SCN11A: variants seen among roughly 807,000 people sequenced by gnomAD.
SCN11A encodes the protein sodium voltage-gated channel alpha subunit 11, also known as sodium channel protein type 11 subunit alpha.
In SCN11A, 122 loss-of-function variants were observed where a neutral mutation model predicts 162.2. That is an observed-to-expected ratio of 0.75 (90% CI 0.65 to 0.87). The LOEUF is 0.87. SCN11A is among the 40% of genes least tolerant of loss of function. SCN11A has a pLI of 0.00. For synonymous variants in SCN11A, 758 were observed against 751.5 expected (o/e 1.01, Z -0.14); for missense variants, 2,015 against 2,181.6 (o/e 0.92, Z 1.52).
intron 2 of SCN11A, among the ~76,000 whole-genome samples, chr3:38,988,140 A>G (rs9833327): frequency 0.47 from 71,462 of 151,898 alleles, 20,855 homozygotes; most frequent in African/African-American, 0.83. Flanking sequence ...GCAGGGCCCC[A>G]TGTGACTGCA....
At chr3:38,923,781 G>A (rs190085110) in intron 9 of SCN11A, among the ~76,000 whole-genome samples, 35 of 152,194 alleles carry the variant, frequency 2.3e-4, no homozygotes, top group East Asian at 2.1e-3. Context: ...TTGGGAGGAC[G>A]CCTGTGAAAG....
chr3:38,875,766 G>C (rs2065197196), intron 23 of SCN11A, among the ~76,000 whole-genome samples: 2 of 152,210 alleles, frequency 1.3e-5, no homozygotes, highest in Middle Eastern at 3.4e-3. Context: ...AATCAACATT[G>C]TGAAAATGAC....
At chr3:39,026,388 G>A (rs1032438850) in intron 2 of SCN11A, among the ~76,000 whole-genome samples, 4 of 152,142 alleles carry the variant, frequency 2.6e-5, no homozygotes, top group African/African-American at 4.8e-5. Context: ...TGCTCACCAC[G>A]AATTATCTGA....
intron 2 of SCN11A, among the ~76,000 whole-genome samples, chr3:38,974,694 C>CAAAAAAAAAAAA (rs773028321): frequency 2.1e-5 from 1 of 48,146 alleles, no homozygotes; most frequent in African/African-American, 6.3e-5. Context: ...GACTCCGTCT[C>CAAAAAAAAAAAA]AAAAAAAAAA....
At chr3:38,897,968 G>A (rs559022919) in intron 17 of SCN11A, among the ~76,000 whole-genome samples, 2 of 152,228 alleles carry the variant, frequency 1.3e-5, no homozygotes, top group East Asian at 3.9e-4. Flanking sequence ...AGGCACAGTG[G>A]CTCTCATCTG....
rs367689714 is a variant in SCN11A, at chr3:38,886,193, C to A, written c.2881G>T (p.Val961Phe). 1.6e-5 allele frequency: 26 copies of A among 1,612,930 alleles called. No homozygotes were observed. Among genetic ancestry groups the A allele is most frequent in the Non-Finnish European group, 2.2e-5 (26 of 1,179,864 alleles). ...QENKKPTSQR[V>F]QSVEIDMFSE... ...AACATGTCAATTTCCACACTTTGAA[C>A]TCTCTGGCTCGTGGGCTTCTTGTTC... Residue 961 changes from valine to phenylalanine, a missense_variant, in exon 20 of 30, where the codon GTT (valine) becomes TTT (phenylalanine). By Grantham distance (50) the Val-to-Phe change is conservative. Transcript: ENST00000302328.
chr3:38,852,296 A>C (rs2064795403), intron 28 of SCN11A, among the ~76,000 whole-genome samples: 1 of 152,182 alleles, frequency 6.6e-6, no homozygotes, highest in South Asian at 2.1e-4. Flanking sequence ...CTAGAAAGTC[A>C]AGTGCCTTTC....
chr3:38,947,625 C>T (rs1291937603), intron 5 of SCN11A, among the ~76,000 whole-genome samples: 1 of 152,214 alleles, frequency 6.6e-6, no homozygotes, highest in Non-Finnish European at 1.5e-5. Flanking sequence ...GCCCGCCCCC[C>T]CACAAAGTGC....
intron 26 of SCN11A, 62 bp from the exon 27 acceptor site, chr3:38,867,520 A>G: frequency 7.6e-7 from 1 of 1,320,498 alleles, no homozygotes; most frequent in Non-Finnish European, 1.1e-6. Context: ...TAAGCATTCT[A>G]ACTACCTTAT....
chr3:38,972,815 A>G (rs2066824471), intron 2 of SCN11A, among the ~76,000 whole-genome samples: 1 of 152,228 alleles, frequency 6.6e-6, no homozygotes, highest in African/African-American at 2.4e-5. Context: ...CTAACACTTA[A>G]TTTAACACAA....
intron 2 of SCN11A, among the ~76,000 whole-genome samples, chr3:38,983,056 A>G (rs1391956445): frequency 1.3e-5 from 2 of 152,184 alleles, no homozygotes; most frequent in Non-Finnish European, 2.9e-5. Flanking sequence ...TGAGTCCAAA[A>G]TGTCAGCAAG....
At chr3:38,985,365 C>CAG (rs2030202345) in intron 2 of SCN11A, among the ~76,000 whole-genome samples, 1 of 150,200 alleles carries the variant, frequency 6.7e-6, no homozygotes, top group African/African-American at 2.5e-5. Flanking sequence ...CTCCTGACCT[C>CAG]GTGATCCACC....
intron 2 of SCN11A, among the ~76,000 whole-genome samples, chr3:38,986,422 T>C (rs778362530): frequency 6.6e-5 from 10 of 152,196 alleles, no homozygotes; most frequent in Non-Finnish European, 1.2e-4. Flanking sequence ...GTGTTCCCCA[T>C]TGAAGTGTGA....
At chr3:38,869,890 C>T (rs559942352) in intron 26 of SCN11A, among the ~76,000 whole-genome samples, 36 of 152,258 alleles carry the variant, frequency 2.4e-4, no homozygotes, top group African/African-American at 8.4e-4. Flanking sequence ...ATCCGAAACA[C>T]TTCTGGTCCC....
At chr3:38,865,698 A>G (rs2065028976) in intron 27 of SCN11A, among the ~76,000 whole-genome samples, 1 of 152,160 alleles carries the variant, frequency 6.6e-6, no homozygotes. Flanking sequence ...ACAAAAATAT[A>G]AGATGCATGT....
chr3:38,901,633 C>T (rs919764548), intron 16 of SCN11A, among the ~76,000 whole-genome samples: 4 of 152,202 alleles, frequency 2.6e-5, no homozygotes, highest in African/African-American at 9.7e-5. Context: ...TACAGAGTGG[C>T]TTAATCCTGG....
At chr3:39,024,875 C>A (rs1265431000) in intron 2 of SCN11A, among the ~76,000 whole-genome samples, 1 of 152,156 alleles carries the variant, frequency 6.6e-6, no homozygotes, top group African/African-American at 2.4e-5. Flanking sequence ...TTTTTTGAAC[C>A]TAAGCATGAA....
chr3:38,950,182 T>G lies in SCN11A; in HGVS notation c.181A>C (p.Lys61Gln). ...RPQLDLKASR[K>Q]LPKLYGDIPR... ...ATGTCGCCATAGAGCTTGGGCAACTTCCTGGAGGCCTTTAGGTCAAGCTGA... is the reference window on the plus strand; with the variant it reads ...ATGTCGCCATAGAGCTTGGGCAACTGCCTGGAGGCCTTTAGGTCAAGCTGA... The change falls in exon 5 of 30, where the codon AAG (lysine) becomes CAG (glutamine). Residue 61 changes from lysine (K) to glutamine (Q), a missense_variant. Transcript: ENST00000302328. 6.2e-7 allele frequency: 1 copy of G among 1,613,098 alleles called. No individual in the cohort carries two copies. The highest frequency in any genetic ancestry group is 8.5e-7 in the Non-Finnish European group (1 of 1,179,830).
chr3:39,036,334 G>A (rs1011701970), intron 1 of SCN11A, among the ~76,000 whole-genome samples: 3 of 151,862 alleles, frequency 2.0e-5, no homozygotes, highest in Non-Finnish European at 2.9e-5. Flanking sequence ...TAGTAGAGAC[G>A]GGATTTTGCC....
Sources: allele counts gnomAD v4.1 joint callset (sites outside exome capture counted in the v4.1 genomes callset), GRCh38; gene constraint gnomAD v4.1.1; transcripts MANE v1.5; gene names NCBI Gene and HGNC (gene_info 2026-07-23, HGNC 2026-07-21).